CFAP96: variants seen among roughly 807,000 people sequenced by gnomAD.
The protein encoded by CFAP96 is cilia-and flagella-associated protein 96.
At chr4:185,420,035 A>G in the CFAP96 span, among the ~76,000 whole-genome samples, 1 of 152,240 alleles carries the variant, frequency 6.6e-6, no homozygotes, top group Admixed American at 6.5e-5. Context: ...TCAGTAATCT[A>G]TAAGGATTCC....
chr4:185,410,684 C>A, the CFAP96 span, among the ~76,000 whole-genome samples: 1 of 145,910 alleles, frequency 6.9e-6, no homozygotes. Context: ...CAGTGGCTCA[C>A]GCCTGTAATC....
At chr4:185,421,803 G>T in the CFAP96 span, among the ~76,000 whole-genome samples, 1 of 152,212 alleles carries the variant, frequency 6.6e-6, no homozygotes, top group African/African-American at 2.4e-5. Flanking sequence ...TTTCATGAGT[G>T]ATTTCATTTA....
the CFAP96 span, chr4:185,445,651 T>G: frequency 1.4e-6 from 1 of 690,780 alleles, no homozygotes; most frequent in Non-Finnish European, 2.4e-6. Context: ...TTATCCAGGT[T>G]TTGCATACTC....
chr4:185,440,028 TATA>T, the CFAP96 span, among the ~76,000 whole-genome samples: 1 of 148,652 alleles, frequency 6.7e-6, no homozygotes, highest in Non-Finnish European at 1.5e-5. Context: ...CATATATACA[TATA>T]ATTTTTTTAA....
chr4:185,439,149 C>T, the CFAP96 span, among the ~76,000 whole-genome samples: 1 of 152,150 alleles, frequency 6.6e-6, no homozygotes, highest in Non-Finnish European at 1.5e-5. Context: ...ATAGGCCATA[C>T]AGCAGACCAA....
At chr4:185,443,338 ATATATT>A in the CFAP96 span, among the ~76,000 whole-genome samples, 3,675 of 31,688 alleles carry the variant, frequency 0.12, 43 homozygotes, top group South Asian at 0.27. Flanking sequence ...ATATATATAT[ATATATT>A]TTTTTTTTTT....
chr4:185,417,975 C>T, the CFAP96 span, among the ~76,000 whole-genome samples: 3 of 150,934 alleles, frequency 2.0e-5, no homozygotes, highest in South Asian at 2.1e-4. Flanking sequence ...ACCCGGGAGG[C>T]GGAAGTTGCA....
chr4:185,411,732 G>A, the CFAP96 span, among the ~76,000 whole-genome samples: 2 of 152,136 alleles, frequency 1.3e-5, no homozygotes, highest in East Asian at 1.9e-4. Context: ...CATATGTATC[G>A]AGAGGTATAG....
the CFAP96 span, among the ~76,000 whole-genome samples, chr4:185,439,721 TATAGACATGTAATATATAATATATAC>T: frequency 6.7e-6 from 1 of 149,566 alleles, no homozygotes; most frequent in Non-Finnish European, 1.5e-5. Flanking sequence ...GCAAAAAAAT[TATAGACATGTAATATATAATATATAC>T]ATATCTCATA....
chr4:185,428,649 T>A, the CFAP96 span, among the ~76,000 whole-genome samples: 1 of 152,144 alleles, frequency 6.6e-6, no homozygotes, highest in Non-Finnish European at 1.5e-5. Flanking sequence ...GTTTAATATT[T>A]CACCTTTGTT....
chr4:185,418,721 A>C, the CFAP96 span: 1 of 1,613,598 alleles, frequency 6.2e-7, no homozygotes, highest in Non-Finnish European at 8.5e-7. Context: ...AAGACAGCTT[A>C]GTTGACAGGT....
At chr4:185,411,737 G>A in the CFAP96 span, among the ~76,000 whole-genome samples, 1 of 152,106 alleles carries the variant, frequency 6.6e-6, no homozygotes, top group Non-Finnish European at 1.5e-5. Flanking sequence ...GTATCGAGAG[G>A]TATAGGAATG....
chr4:185,431,845 G>A, the CFAP96 span: 1 of 686,650 alleles, frequency 1.5e-6, no homozygotes, highest in Admixed American at 2.9e-5. Context: ...AGCTTTCAGG[G>A]AATGTTTTGA....
At chr4:185,412,888 CCTT>C in the CFAP96 span, among the ~76,000 whole-genome samples, 1 of 152,094 alleles carries the variant, frequency 6.6e-6, no homozygotes, top group African/African-American at 2.4e-5. Flanking sequence ...CTCCATGTAT[CCTT>C]AAAGTAACCC....
the CFAP96 span, chr4:185,413,661 C>G: frequency 5.4e-6 from 8 of 1,469,834 alleles, no homozygotes; most frequent in East Asian, 1.7e-4. Flanking sequence ...CTACTGGGTA[C>G]CAACAAAAAA....
At chr4:185,445,237 A>G in the CFAP96 span, 1 of 1,019,254 alleles carries the variant, frequency 9.8e-7, no homozygotes, top group East Asian at 2.6e-5. Context: ...TTAAATGACA[A>G]ATGTGGGTGA....
At chr4:185,446,002 C>T in the CFAP96 span, among the ~76,000 whole-genome samples, 116 of 152,130 alleles carry the variant, frequency 7.6e-4, no homozygotes, top group African/African-American at 2.6e-3. Flanking sequence ...ACACCACACC[C>T]GGCTAATTTT....
At chr4:185,426,053 G>A in the CFAP96 span, 1 of 651,130 alleles carries the variant, frequency 1.5e-6, no homozygotes, top group Admixed American at 2.9e-5. Context: ...ACGGCGAGGC[G>A]GGGCGGGTAG....
chr4:185,443,342 A>ATATATATATATTTT, the CFAP96 span, among the ~76,000 whole-genome samples: 725 of 26,606 alleles, frequency 0.027, 36 homozygotes, highest in Non-Finnish European at 0.044. Context: ...ATATATATAT[A>ATATATATATATTTT]TTTTTTTTTT....
Sources: allele counts gnomAD v4.1 joint callset (sites outside exome capture counted in the v4.1 genomes callset), GRCh38; gene constraint gnomAD v4.1.1; transcripts MANE v1.5; gene names NCBI Gene and HGNC (gene_info 2026-07-23, HGNC 2026-07-21).